The following GABRA5 variants were observed in gnomAD, a reference collection of about 807,000 sequenced individuals.
GABRA5 encodes gamma-aminobutyric acid type A receptor subunit alpha5.
Under a neutral mutation model 47.3 loss-of-function variants are expected in GABRA5, and 18 were observed. That is an observed-to-expected ratio of 0.38 (90% CI 0.26 to 0.56). The LOEUF is 0.56. Among genes scored for constraint, GABRA5 ranks in the 20% least tolerant of loss-of-function variants. The pLI is 0.71. For missense variants in GABRA5, 365 were observed against 599.3 expected, an observed-to-expected ratio of 0.61 and a Z score of 4.08; for synonymous variants, 237 against 229.3, an observed-to-expected ratio of 1.03 and a Z score of -0.30.
chr15:26,881,989 A>G (rs1207454837), intron 4 of GABRA5, among the ~76,000 whole-genome samples: 1 of 152,160 alleles, frequency 6.6e-6, no homozygotes, highest in East Asian at 1.9e-4. Context: ...TGTGAGCCAC[A>G]GTGCCCCGCC....
At chr15:26,929,751 C>T (rs536134522) in intron 7 of GABRA5, among the ~76,000 whole-genome samples, 108 of 152,286 alleles carry the variant, frequency 7.1e-4, no homozygotes, top group Non-Finnish European at 1.1e-3. Flanking sequence ...CAGTGCACAT[C>T]AGGGCAGGGC....
At chr15:26,946,431 CTGT>C (rs1278797071) in intron 10 of GABRA5, among the ~76,000 whole-genome samples, 1 of 69,502 alleles carries the variant, frequency 1.4e-5, no homozygotes, top group African/African-American at 4.6e-5. Context: ...CTCAATTTAT[CTGT>C]TTTTTTTTTT....
intron 7 of GABRA5, among the ~76,000 whole-genome samples, chr15:26,934,667 G>C (rs891730522): frequency 1.3e-5 from 2 of 151,900 alleles, no homozygotes; most frequent in Non-Finnish European, 2.9e-5. Flanking sequence ...TTTTTTCCCC[G>C]ATCTACAGAT....
At chr15:26,893,163 GGGTGTGTATGT>G (rs1566870167) in intron 6 of GABRA5, among the ~76,000 whole-genome samples, 1 of 146,836 alleles carries the variant, frequency 6.8e-6, no homozygotes, top group African/African-American at 2.5e-5. Flanking sequence ...GGCGTGTGTG[GGGTGTGTATGT>G]GGTGTGTGGT....
chr15:26,941,491 G>A lies in GABRA5; in HGVS notation c.877+1414G>A, dbSNP rs572549951. 9.2e-5 allele frequency among the ~76,000 whole-genome samples: 14 copies of A among 152,236 alleles called. No individual in the cohort carries two copies. The South Asian group carries it at 2.9e-3, about 32-fold the overall frequency. ...ATTCCTTTGGAAGTGTTGATTTCAT[G>A]CAGGGAATGACGTTCATGGAGTACT... On this transcript the variant is annotated intron_variant, in intron 9 of 10. Transcript: ENST00000335625.
intron 6 of GABRA5, among the ~76,000 whole-genome samples, chr15:26,903,969 T>G (rs1893384277): frequency 1.3e-5 from 2 of 152,174 alleles, no homozygotes. Flanking sequence ...TTTAGTTTAA[T>G]TAGATCCCAT....
intron 6 of GABRA5, among the ~76,000 whole-genome samples, chr15:26,890,293 A>G (rs941768504): frequency 4.6e-5 from 7 of 152,156 alleles, no homozygotes; most frequent in Non-Finnish European, 1.0e-4. Flanking sequence ...ACCACCTATT[A>G]CTTCCTCTCT....
intron 3 of GABRA5, 42 bp from the exon 4 acceptor site, chr15:26,880,804 A>G (rs1892710067): frequency 6.2e-7 from 1 of 1,602,106 alleles, no homozygotes; most frequent in Middle Eastern, 1.7e-4. Flanking sequence ...TTTGTAAGAA[A>G]TAATATGTTT....
At chr15:26,926,106 T>A (rs1893956696) in intron 7 of GABRA5, among the ~76,000 whole-genome samples, 1 of 152,120 alleles carries the variant, frequency 6.6e-6, no homozygotes, top group Non-Finnish European at 1.5e-5. Context: ...GATGGAGGGG[T>A]CCTATCTGAG....
chr15:26,938,757 A>G (rs1894309064), intron 8 of GABRA5, among the ~76,000 whole-genome samples: 1 of 152,226 alleles, frequency 6.6e-6, no homozygotes, highest in South Asian at 2.1e-4. Flanking sequence ...CTGTCCAGGC[A>G]CTGCTGAGAT....
At chr15:26,878,822 A>C (rs1892657993) in intron 3 of GABRA5, among the ~76,000 whole-genome samples, 2 of 152,374 alleles carry the variant, frequency 1.3e-5, no homozygotes, top group South Asian at 4.1e-4. Context: ...TCTTAAGCAT[A>C]GCATTCTATT....
chr15:26,870,666 A>G (rs530752843), intron 3 of GABRA5, among the ~76,000 whole-genome samples: 3 of 152,272 alleles, frequency 2.0e-5, no homozygotes, highest in African/African-American at 7.2e-5. Context: ...TTTTTTATCT[A>G]TTAAATGAAT....
rs147802471 is a variant in GABRA5, at chr15:26,874,469, C to T, written c.86+5135C>T. 3.5e-3 allele frequency among the ~76,000 whole-genome samples: 531 copies of T among 152,192 alleles called. 3 individuals carry two copies. Among genetic ancestry groups the T allele is most frequent in the African/African-American group, 0.012 (495 of 41,534 alleles). On this transcript the variant is annotated intron_variant, in intron 3 of 10. Transcript: ENST00000335625. ...TCCCTGAGAATGCAGGCTGGGCTAG[C>T]GTGCTCCACTGCAGGGCCTGCTCCA... is the stretch of plus-strand genomic sequence containing the variant.
At position 26,883,995 on chromosome 15, in the gene GABRA5, T is replaced by A. The variant is rs1357684178; in HGVS notation, c.497+438T>A. Reference sequence around the variant, plus strand: ...TAGCCTGGACAACATAGCGAGACCTTGTTTCTACCAAAAAAAAAGAAACAA... The same window carrying A: ...TAGCCTGGACAACATAGCGAGACCTAGTTTCTACCAAAAAAAAAGAAACAA... On this transcript the variant is annotated intron_variant, in intron 6 of 10. Transcript: ENST00000335625. This position sits in a 1 kb window ranked among gnomAD's most constrained non-coding sequence, Gnocchi z 4.8. Among the ~76,000 whole-genome samples the A allele has an allele frequency of 1.3e-5, 2 of 149,820 alleles. No individual in the cohort carries two copies. Among genetic ancestry groups the A allele is most frequent in the Non-Finnish European group, 3.0e-5 (2 of 67,486 alleles).
intron 7 of GABRA5, among the ~76,000 whole-genome samples, chr15:26,931,573 G>C (rs745475608): frequency 6.6e-6 from 1 of 152,182 alleles, no homozygotes; most frequent in Non-Finnish European, 1.5e-5. Context: ...TCAGCACTCA[G>C]CTAGGTGCAG....
intron 6 of GABRA5, among the ~76,000 whole-genome samples, chr15:26,897,702 G>A (rs1348216554): frequency 6.6e-6 from 1 of 152,174 alleles, no homozygotes; most frequent in Non-Finnish European, 1.5e-5. Flanking sequence ...TAATCATAGA[G>A]AGGGTGGAAC....
chr15:26,938,148 G>C (rs1225056435), intron 8 of GABRA5, among the ~76,000 whole-genome samples: 1 of 152,238 alleles, frequency 6.6e-6, no homozygotes, highest in Non-Finnish European at 1.5e-5. Context: ...CGAGCACACA[G>C]GCCATTTAGT....
At chr15:26,930,895 C>CTTTTTTTTTTTTTT (rs555799476) in intron 7 of GABRA5, among the ~76,000 whole-genome samples, 6 of 115,034 alleles carry the variant, frequency 5.2e-5, no homozygotes, top group East Asian at 2.4e-4. Flanking sequence ...TCTTTCTTTT[C>CTTTTTTTTTTTTTT]TTTTTTTTTT....
In GABRA5 at chr15:26,939,540, C is replaced by T. The variant is rs926276699; in HGVS notation, c.725-385C>T. ...AGACTGGAAACAGGAAGGACTCTGT[C>T]CACCCTCTGCAGGGCTCTGTGAAAT... On this transcript the variant is annotated intron_variant, in intron 8 of 10. Transcript: ENST00000335625. The T allele has an allele frequency of 5.0e-4, 324 of 654,476 alleles. 2 individuals carry two copies. The highest frequency in any genetic ancestry group is 5.0e-4 in the Non-Finnish European group (181 of 362,614). The allele number at this position is 654,476 out of a possible 1,614,324, so 40.5% of individuals were successfully genotyped here.
Sources: allele counts gnomAD v4.1 joint callset (sites outside exome capture counted in the v4.1 genomes callset), GRCh38; gene constraint gnomAD v4.1.1; non-coding constraint Gnocchi (gnomAD v3.1); transcripts MANE v1.5; gene names NCBI Gene and HGNC (gene_info 2026-07-23, HGNC 2026-07-21).